The following STIM1 variants were observed in gnomAD, a reference collection of about 807,000 sequenced individuals.
STIM1 encodes stromal interaction molecule 1.
In STIM1, 25 loss-of-function variants were observed where a neutral mutation model predicts 74.7. That is an observed-to-expected ratio of 0.33 (90% confidence interval 0.24 to 0.47). STIM1 has a LOEUF of 0.47. STIM1 is among the 20% of genes least tolerant of loss of function. The pLI is 1.00. For missense variants in STIM1, 728 were observed against 920.8 expected, an observed-to-expected ratio of 0.79 and a Z score of 2.71; for synonymous variants, 328 against 348.8, an observed-to-expected ratio of 0.94 and a Z score of 0.66.
intron 1 of STIM1, chr11:3,961,623 C>G (rs1299697645): frequency 2.0e-5 from 3 of 148,352 alleles, no homozygotes; most frequent in Non-Finnish European, 4.4e-5. Context: ...ATTATCCTGC[C>G]TCAGTCTCCT....
At chr11:3,930,922 C>G (rs1436915593) in intron 1 of STIM1, among the ~76,000 whole-genome samples, 1 of 152,182 alleles carries the variant, frequency 6.6e-6, no homozygotes, top group Non-Finnish European at 1.5e-5. Context: ...TTTTAACATA[C>G]AGGACACTGC....
chr11:3,965,649 A>G (rs989476060), intron 1 of STIM1, among the ~76,000 whole-genome samples: 1 of 152,230 alleles, frequency 6.6e-6, no homozygotes, highest in African/African-American at 2.4e-5. Context: ...GTAGAGAGAA[A>G]TAAGTTTATG....
intron 1 of STIM1, among the ~76,000 whole-genome samples, chr11:3,896,621 G>C (rs1024400482): frequency 6.6e-6 from 1 of 152,220 alleles, no homozygotes; most frequent in African/African-American, 2.4e-5. Flanking sequence ...TGCTATGGCA[G>C]AGACAATGGT....
At chr11:3,883,468 C>T (rs951887746) in intron 1 of STIM1, among the ~76,000 whole-genome samples, 9 of 152,228 alleles carry the variant, frequency 5.9e-5, no homozygotes, top group Admixed American at 2.6e-4. Flanking sequence ...GTTCTCCTGC[C>T]TCAGCCTCCC....
At chr11:4,047,793 C>T (rs1011170921) in intron 3 of STIM1, among the ~76,000 whole-genome samples, 3 of 151,016 alleles carry the variant, frequency 2.0e-5, no homozygotes, top group Non-Finnish European at 4.4e-5. Flanking sequence ...GCACTCAAGC[C>T]TCGGTGGCAG....
At chr11:3,921,718 T>A (rs1590567447) in intron 1 of STIM1, 1 of 152,194 alleles carries the variant, frequency 6.6e-6, no homozygotes, top group Non-Finnish European at 1.5e-5. Context: ...AAAGTGAACA[T>A]GATAGTGTAC....
intron 2 of STIM1, among the ~76,000 whole-genome samples, chr11:3,991,950 C>CAAAAAAAAAAAAAAAAA (rs1230185435): frequency 5.5e-5 from 2 of 36,694 alleles, no homozygotes; most frequent in African/African-American, 2.7e-4. Flanking sequence ...AACTCCATCT[C>CAAAAAAAAAAAAAAAAA]AAAAAAAAAA....
chr11:3,914,346 T>C (rs919805927), intron 1 of STIM1, among the ~76,000 whole-genome samples: 1 of 152,170 alleles, frequency 6.6e-6, no homozygotes, highest in African/African-American at 2.4e-5. Flanking sequence ...TGTGTATATA[T>C]ACATACCACA....
At chr11:4,004,564 A>G (rs534428573) in intron 2 of STIM1, among the ~76,000 whole-genome samples, 8 of 151,708 alleles carry the variant, frequency 5.3e-5, no homozygotes, top group Non-Finnish European at 1.0e-4. Context: ...TCCCTTCCTT[A>G]TACCTTATAC....
chr11:4,041,133 T>A (rs1415217463), intron 3 of STIM1, among the ~76,000 whole-genome samples: 1 of 152,216 alleles, frequency 6.6e-6, no homozygotes, highest in African/African-American at 2.4e-5. Flanking sequence ...AGCAGACCAA[T>A]AAGAAGCTGG....
rs192064236 is a variant in STIM1 at position 3,970,153 on chromosome 11, T to A, written c.270+2471T>A. Among the ~76,000 whole-genome samples the A allele has an allele frequency of 1.6e-4, 24 of 151,560 alleles. 1 individual carries two copies. In the East Asian group the frequency reaches 4.7e-3, roughly 29 times the overall value. ...GAATAAAATGTTCTTTTTAGAGGAA[T>A]GTTACCACAACAAAAAGCTCATCAG... On this transcript the variant is annotated intron_variant, in intron 2 of 12. Transcript: ENST00000526596.
chr11:4,015,719 A>G (rs952714141), intron 2 of STIM1, among the ~76,000 whole-genome samples: 8 of 152,010 alleles, frequency 5.3e-5, no homozygotes, highest in Non-Finnish European at 1.2e-4. Flanking sequence ...ATAGTCCCAT[A>G]TTTCTTGGAA....
At chr11:4,049,151 T>G (rs916059408) in intron 3 of STIM1, among the ~76,000 whole-genome samples, 1 of 152,248 alleles carries the variant, frequency 6.6e-6, no homozygotes. Context: ...TTTGCCATGT[T>G]GCAAATGACC....
Position 3,886,407 on chromosome 11 carries a change from G to C in STIM1, c.139+29998G>C, listed in dbSNP as rs2091704352. 1.3e-5 allele frequency among the ~76,000 whole-genome samples: 2 copies of C among 152,118 alleles called. 1 individual carries two copies. The highest frequency in any genetic ancestry group is 4.1e-4 in the South Asian group (2 of 4,826). On this transcript the variant is annotated intron_variant, in intron 1 of 12. Coordinates refer to ENST00000526596, the MANE Select transcript of STIM1 (RefSeq NM_001382567.1). ...TTTTGTGCTATAAGAAGAGAGACTTGGCTGGGCGCGGTGGCTCACGCCTGT... is the reference window on the plus strand; with the variant it reads ...TTTTGTGCTATAAGAAGAGAGACTTCGCTGGGCGCGGTGGCTCACGCCTGT...
In STIM1 at chr11:4,055,554, A is replaced by G. The variant is rs1319501573; in HGVS notation, c.414A>G (p.Val138=). Residue 138 remains valine, a synonymous_variant, in exon 4 of 13, where the codon GTA becomes GTG. Coordinates refer to ENST00000526596, the MANE Select transcript of STIM1 (RefSeq NM_001382567.1). ...EVYNWTVDEV[V]QWLITYVELP... is the part of the protein sequence containing the mutation. The stretch of plus-strand genomic sequence containing the variant: ...ACAATTGGACCGTGGATGAGGTGGT[A>G]CAGTGGCTGATCACATATGTGGAGC... The G allele has an allele frequency of 1.2e-6, 2 of 1,600,954 alleles. No homozygotes were observed. The highest frequency in any genetic ancestry group is 1.7e-6 in the Non-Finnish European group (2 of 1,174,836).
At chr11:4,088,682 T>G in intron 12 of STIM1, 1 of 1,535,400 alleles carries the variant, frequency 6.5e-7, no homozygotes, top group Non-Finnish European at 8.7e-7. Context: ...TACTTAATTT[T>G]CTTTTGCACC....
intron 1 of STIM1, among the ~76,000 whole-genome samples, chr11:3,954,459 A>G (rs924808677): frequency 5.9e-5 from 9 of 152,230 alleles, no homozygotes; most frequent in African/African-American, 2.2e-4. Context: ...GGTTCCTGCC[A>G]CTATGGAGCT....
chr11:3,951,814 A>G (rs190224457), intron 1 of STIM1, among the ~76,000 whole-genome samples: 4 of 152,210 alleles, frequency 2.6e-5, no homozygotes, highest in African/African-American at 9.6e-5. Flanking sequence ...TTTTTTGGCT[A>G]TCTCAGACCC....
chr11:4,085,314 T>G (rs371619687), intron 11 of STIM1, among the ~76,000 whole-genome samples: 2 of 152,294 alleles, frequency 1.3e-5, no homozygotes, highest in East Asian at 3.9e-4. Context: ...TCTCTCATCT[T>G]TAGGTAGAAT....
Sources: gnomAD v4.1 joint callset for allele counts (sites outside exome capture counted in the v4.1 genomes callset) on GRCh38, gnomAD v4.1.1 for gene constraint, MANE v1.5 for transcripts, NCBI Gene and HGNC (gene_info 2026-07-23, HGNC 2026-07-21) for gene names.